CCDC149: variants seen among roughly 807,000 people sequenced by gnomAD.
CCDC149 encodes the protein coiled-coil domain-containing protein 149.
CCDC149 carries 45 observed loss-of-function variants against 59.9 expected under a neutral mutation model. That is an observed-to-expected ratio of 0.75 (90% CI 0.59 to 0.96). The LOEUF (loss-of-function observed/expected upper bound fraction) is 0.96, where lower values mean the gene tolerates loss of function less well. Ranked by LOEUF, CCDC149 falls within the 40% of genes least tolerant of loss-of-function variation. The pLI is 0.00. For synonymous variants in CCDC149, 245 were observed against 260.6 expected (o/e 0.94, Z 0.58); for missense variants, 584 against 664.7 (o/e 0.88, Z 1.33).
At chr4:24,898,037 T>C (rs1003326990) in intron 1 of CCDC149, among the ~76,000 whole-genome samples, 3 of 152,072 alleles carry the variant, frequency 2.0e-5, no homozygotes, top group African/African-American at 7.2e-5. Flanking sequence ...GGTCGTGGGG[T>C]CTGCAGATGG....
intron 1 of CCDC149, among the ~76,000 whole-genome samples, chr4:24,937,520 T>TA (rs1366776348): frequency 6.6e-6 from 1 of 152,240 alleles, no homozygotes; most frequent in South Asian, 2.1e-4. Flanking sequence ...AAGGCCTAGC[T>TA]AAAAAAGATT....
At chr4:24,853,341 CACT>C (rs747764468) in intron 3 of CCDC149, 162 bp from the exon 4 acceptor site, 85 of 622,056 alleles carry the variant, frequency 1.4e-4, no homozygotes, top group Non-Finnish European at 2.2e-4. Flanking sequence ...TGAATCACAC[CACT>C]ACAATGGCAC....
At chr4:24,825,996 C>G (rs1255578377) in intron 9 of CCDC149, among the ~76,000 whole-genome samples, 2 of 152,076 alleles carry the variant, frequency 1.3e-5, no homozygotes, top group Non-Finnish European at 2.9e-5. Flanking sequence ...TACTCTGTTG[C>G]TCAGGCTGGA....
intron 12 of CCDC149, among the ~76,000 whole-genome samples, chr4:24,812,069 C>T (rs1220745737): frequency 6.6e-6 from 1 of 152,144 alleles, no homozygotes; most frequent in Non-Finnish European, 1.5e-5. Flanking sequence ...CTCTCTCTTG[C>T]CTCCCTCTTG....
chr4:24,888,897 T>C lies in CCDC149; in HGVS notation c.64-12200A>G, dbSNP rs551879301. ...CAAATTGGTAGCTTAATGATTCTAATGCCATTCTCTAAGATGACTTTTTTT... is the reference window on the plus strand; with the variant it reads ...CAAATTGGTAGCTTAATGATTCTAACGCCATTCTCTAAGATGACTTTTTTT... On this transcript the variant is annotated intron_variant, in intron 1 of 12. Transcript: ENST00000635206. Among the ~76,000 whole-genome samples the C allele has an allele frequency of 2.6e-5, 4 of 151,646 alleles. No homozygotes were observed. In the East Asian group the frequency reaches 7.7e-4, roughly 29 times the overall value.
chr4:24,978,128 C>A (rs1032977033), intron 1 of CCDC149, among the ~76,000 whole-genome samples: 4 of 152,132 alleles, frequency 2.6e-5, no homozygotes, highest in African/African-American at 9.7e-5. Flanking sequence ...AAGACCCTGT[C>A]TCAAAAATAA....
chr4:24,937,098 A>G (rs912247835), intron 1 of CCDC149, among the ~76,000 whole-genome samples: 2 of 152,256 alleles, frequency 1.3e-5, no homozygotes, highest in African/African-American at 2.4e-5. Flanking sequence ...AGTCCTACCA[A>G]GGCCAACAGA....
At chr4:24,804,713 G>A (rs557527799), downstream of CCDC149, among the ~76,000 whole-genome samples, 6 of 152,208 alleles carry the variant, frequency 3.9e-5, no homozygotes, top group Admixed American at 3.3e-4. Context: ...ATCGTGAACC[G>A]GGGTGCAAAG....
intron 1 of CCDC149, among the ~76,000 whole-genome samples, chr4:24,964,162 C>G (rs544004906): frequency 2.2e-4 from 31 of 141,132 alleles, no homozygotes; most frequent in Non-Finnish European, 4.2e-4. Flanking sequence ...CTACTGTACT[C>G]TAGCCTGGGC....
chr4:24,955,405 G>A (rs1316797314), intron 1 of CCDC149, among the ~76,000 whole-genome samples: 3 of 152,088 alleles, frequency 2.0e-5, no homozygotes. Context: ...CTATCACATT[G>A]ACAACACGTG....
chr4:24,925,206 A>G (rs1722403754), intron 1 of CCDC149, among the ~76,000 whole-genome samples: 1 of 152,222 alleles, frequency 6.6e-6, no homozygotes, highest in Non-Finnish European at 1.5e-5. Flanking sequence ...AAAGCAGGGA[A>G]AATGAAAGGC....
At chr4:24,944,661 G>C (rs9683695) in intron 1 of CCDC149, among the ~76,000 whole-genome samples, 56,129 of 151,616 alleles carry the variant, frequency 0.37, 12,326 homozygotes, top group African/African-American at 0.62. Context: ...CTAAAACCTA[G>C]ATGATGGGTT....
intron 11 of CCDC149, 190 bp from the exon 12 acceptor site, chr4:24,820,165 C>T (rs187568795): frequency 1.3e-5 from 7 of 528,482 alleles, no homozygotes; most frequent in African/African-American, 5.8e-5. Context: ...AACCCTTGCA[C>T]ACACACACAC....
At chr4:24,897,801 T>C (rs1415198020) in intron 1 of CCDC149, among the ~76,000 whole-genome samples, 1 of 152,094 alleles carries the variant, frequency 6.6e-6, no homozygotes, top group African/African-American at 2.4e-5. Context: ...AGTCAGAAGG[T>C]AACTAGGAGG....
intron 1 of CCDC149, among the ~76,000 whole-genome samples, chr4:24,890,458 G>C (rs1720463334): frequency 6.6e-6 from 1 of 152,178 alleles, no homozygotes; most frequent in South Asian, 2.1e-4. Flanking sequence ...ACCCAAAGGA[G>C]AGTTGGAAGG....
chr4:24,956,661 G>C (rs772517439), intron 1 of CCDC149, among the ~76,000 whole-genome samples: 8 of 152,172 alleles, frequency 5.3e-5, no homozygotes, highest in Non-Finnish European at 8.8e-5. Context: ...GAAGGATCAG[G>C]GGTCTGCCAC....
At chr4:24,933,569 G>A (rs1240882956) in intron 1 of CCDC149, among the ~76,000 whole-genome samples, 1 of 152,184 alleles carries the variant, frequency 6.6e-6, no homozygotes, top group Non-Finnish European at 1.5e-5. Flanking sequence ...ATTAAGTCCT[G>A]AAATAGGCCA....
At chr4:24,909,477 G>A (rs141088081) in intron 1 of CCDC149, among the ~76,000 whole-genome samples, 1 of 152,144 alleles carries the variant, frequency 6.6e-6, no homozygotes, top group South Asian at 2.1e-4. Context: ...GACTGGGCAG[G>A]GGAATTACCT....
intron 1 of CCDC149, among the ~76,000 whole-genome samples, chr4:24,968,966 A>G (rs1376003826): frequency 6.6e-6 from 1 of 152,224 alleles, no homozygotes; most frequent in African/African-American, 2.4e-5. Flanking sequence ...ACCACTGGCA[A>G]TGATGAGGTA....
Sources: allele counts gnomAD v4.1 joint callset (sites outside exome capture counted in the v4.1 genomes callset), GRCh38; gene constraint gnomAD v4.1.1; transcripts MANE v1.5; gene names NCBI Gene and HGNC (gene_info 2026-07-23, HGNC 2026-07-21).